FYTTD1: variants seen among roughly 807,000 people sequenced by gnomAD.
FYTTD1 encodes the protein forty-two-three domain containing 1, also known as UAP56-interacting factor.
Under a neutral mutation model 40.9 loss-of-function variants are expected in FYTTD1, and 22 were observed. That is an observed-to-expected ratio of 0.54 (90% confidence interval 0.38 to 0.77). FYTTD1 has a LOEUF of 0.77. Among genes scored for constraint, FYTTD1 ranks in the 30% least tolerant of loss-of-function variants. The probability of loss-of-function intolerance (pLI) is 0.00; values close to 1 mark genes in which losing one functional copy is unlikely to be tolerated. For missense variants in FYTTD1, 351 were observed against 392.2 expected (o/e 0.90, Z 0.89); for synonymous variants, 140 against 137.9 (o/e 1.01, Z -0.10).
intron 1 of FYTTD1, among the ~76,000 whole-genome samples, chr3:197,752,844 C>T (rs1168029000): frequency 2.0e-5 from 3 of 152,064 alleles, no homozygotes; most frequent in African/African-American, 7.2e-5. Context: ...GTAACTTGCT[C>T]GAAGTCATAC....
chr3:197,757,819 A>G (rs1729254081), intron 2 of FYTTD1, among the ~76,000 whole-genome samples: 1 of 152,222 alleles, frequency 6.6e-6, no homozygotes, highest in Non-Finnish European at 1.5e-5. Context: ...CATCTCTAAT[A>G]ATTTTTTGAA....
At position 197,783,975 on chromosome 3, in the gene FYTTD1, AAATT is replaced by A. The variant is rs1347403852; in HGVS notation, c.*2069_*2072del. On this transcript the variant is annotated 3_prime_UTR_variant, in exon 9 of 9. Coordinates refer to ENST00000241502, the MANE Select transcript of FYTTD1 (RefSeq NM_032288.7). ...ATAATGTTTTGCCTTTGGTACAACT[AAATT>A]AAAACTCTTGGTGGTCACATATTGT... 3.3e-5 allele frequency: 5 copies of A among 152,612 alleles called. No individual in the cohort carries two copies. The highest frequency in any genetic ancestry group is 7.3e-5 in the Non-Finnish European group (5 of 68,040). The allele number at this position is 152,612 out of a possible 1,614,324, so 9.5% of individuals were successfully genotyped here.
At chr3:197,768,655 A>G in intron 3 of FYTTD1, 68 bp downstream of exon 3, 2 of 1,363,880 alleles carry the variant, frequency 1.5e-6, no homozygotes, top group African/African-American at 1.4e-5. Flanking sequence ...TTCTGTGAAT[A>G]AGCTTAAGAG....
intron 2 of FYTTD1, among the ~76,000 whole-genome samples, chr3:197,766,969 T>C (rs544249395): frequency 1.5e-4 from 23 of 152,162 alleles, no homozygotes; most frequent in Non-Finnish European, 2.6e-4. Flanking sequence ...AGAATGTCAG[T>C]GGTCATCTCT....
At position 197,777,096 on chromosome 3, in the gene FYTTD1, G is replaced by T. The variant is rs1473797831; in HGVS notation, c.731+95G>T. Reference sequence around the variant, plus strand: ...CTTCTGCTCAGAGAATGATGTCCAAGTTGGGATGAACCAGGAAGACAGTAA... The same window carrying T: ...CTTCTGCTCAGAGAATGATGTCCAATTTGGGATGAACCAGGAAGACAGTAA... On this transcript the variant is annotated intron_variant, in intron 7 of 8. Transcript: ENST00000241502. The T allele has an allele frequency of 9.3e-6, 7 of 751,978 alleles. No individual in the cohort carries two copies. The East Asian group carries it at 1.8e-4, about 19-fold the overall frequency. 46.6% of individuals were successfully genotyped at this position (751,978 alleles called of 1,614,324 possible). A position where few individuals can be genotyped will look rare whatever the true frequency, so the allele number is the denominator to read the frequency against.
intron 1 of FYTTD1, among the ~76,000 whole-genome samples, chr3:197,753,425 C>A (rs1729121608): frequency 6.6e-6 from 1 of 151,972 alleles, no homozygotes; most frequent in East Asian, 1.9e-4. Flanking sequence ...GGTGCCTGTG[C>A]TGTAGTACTT....
At chr3:197,778,605 G>A in intron 8 of FYTTD1, 141 bp downstream of exon 8, 1 of 580,730 alleles carries the variant, frequency 1.7e-6, no homozygotes, top group Non-Finnish European at 3.1e-6. Flanking sequence ...GCTTTTGTCT[G>A]CCATTTGCCT....
intron 2 of FYTTD1, among the ~76,000 whole-genome samples, chr3:197,757,760 C>T (rs1729252543): frequency 6.6e-6 from 1 of 152,066 alleles, no homozygotes; most frequent in Non-Finnish European, 1.5e-5. Context: ...GAGACTCTGT[C>T]TCAAGAAAAG....
Position 197,776,995 on chromosome 3 carries a change from G to T in FYTTD1, c.725G>T (p.Cys242Phe). ...ATTGACAATCCTGGAGCAGTGCAAT[G>T]CCCAGTGTAAGTTGTTTCTTTCTTT... ...VSIDNPGAVQ[C>F]PVTQKPRLTR... Residue 242 changes from cysteine (C) to phenylalanine (F), a missense_variant, in exon 7 of 9, where the codon TGC (cysteine) becomes TTC (phenylalanine). Coordinates refer to ENST00000241502, the MANE Select transcript of FYTTD1 (RefSeq NM_032288.7). 6.2e-7 allele frequency: 1 copy of T among 1,600,468 alleles called. No homozygotes were observed.
intron 1 of FYTTD1, 198 bp downstream of exon 1, chr3:197,750,272 C>A: frequency 1.1e-6 from 1 of 945,038 alleles, no homozygotes; most frequent in Non-Finnish European, 1.4e-6. Context: ...CCGCGAGGGA[C>A]CCGGGCGTCC....
chr3:197,751,541 A>G (rs936458309), intron 1 of FYTTD1, among the ~76,000 whole-genome samples: 27 of 152,042 alleles, frequency 1.8e-4, no homozygotes, highest in Non-Finnish European at 3.7e-4. Context: ...CAGCTAAGAC[A>G]TGAGAATAGC....
chr3:197,776,201 A>G (rs1196466500), intron 6 of FYTTD1, among the ~76,000 whole-genome samples: 4 of 151,262 alleles, frequency 2.6e-5, no homozygotes, highest in Non-Finnish European at 5.9e-5. Context: ...TATTCATCAT[A>G]GCAATTTTTT....
intron 1 of FYTTD1, among the ~76,000 whole-genome samples, chr3:197,752,320 G>T (rs1729083489): frequency 6.6e-6 from 1 of 152,162 alleles, no homozygotes; most frequent in African/African-American, 2.4e-5. Flanking sequence ...TGATTTCCCA[G>T]TGCCTCATCT....
chr3:197,761,253 G>A (rs1243473818), intron 2 of FYTTD1, among the ~76,000 whole-genome samples: 3 of 152,012 alleles, frequency 2.0e-5, no homozygotes, highest in African/African-American at 7.2e-5. Flanking sequence ...AGAATGTATA[G>A]AGTTGTTCTT....
At chr3:197,771,509 G>C (rs565403044) in intron 4 of FYTTD1, among the ~76,000 whole-genome samples, 1 of 152,126 alleles carries the variant, frequency 6.6e-6, no homozygotes, top group African/African-American at 2.4e-5. Context: ...GGGTGCGGTG[G>C]CTCACGCCTG....
intron 2 of FYTTD1, among the ~76,000 whole-genome samples, chr3:197,760,578 G>A (rs1487199933): frequency 2.0e-5 from 3 of 151,582 alleles, no homozygotes; most frequent in Admixed American, 1.3e-4. Context: ...TTCAATGGTA[G>A]AATATATAGG....
rs1416712055 is a variant in FYTTD1, at chr3:197,782,064, A to T, written c.*155A>T. 2.2e-6 allele frequency: 1 copy of T among 456,982 alleles called. No individual in the cohort carries two copies. The highest frequency in any genetic ancestry group is 2.0e-5 in the African/African-American group (1 of 50,040). The allele number at this position is 456,982 out of a possible 1,614,324, so 28.3% of individuals were successfully genotyped here. A position where few individuals can be genotyped will look rare whatever the true frequency, so the allele number is the denominator to read the frequency against. ...GAAGGTTTTTTTTTTTAAAAAAAAA[A>T]ACGTATAAAATAATGCCCTGAAAGA... On this transcript the variant is annotated 3_prime_UTR_variant, in exon 9 of 9. Coordinates refer to ENST00000241502, the MANE Select transcript of FYTTD1 (RefSeq NM_032288.7).
chr3:197,761,686 A>C (rs1444567641), intron 2 of FYTTD1, among the ~76,000 whole-genome samples: 1 of 152,244 alleles, frequency 6.6e-6, no homozygotes, highest in Non-Finnish European at 1.5e-5. Flanking sequence ...TCCCTAAGAC[A>C]TGGGGGATCC....
intron 2 of FYTTD1, among the ~76,000 whole-genome samples, chr3:197,764,924 C>T (rs1729498871): frequency 6.6e-6 from 1 of 151,006 alleles, no homozygotes; most frequent in South Asian, 2.1e-4. Context: ...GATCTTGGCT[C>T]GTTGCAACCT....
Sources: gnomAD v4.1 joint callset for allele counts (sites outside exome capture counted in the v4.1 genomes callset) on GRCh38, gnomAD v4.1.1 for gene constraint, MANE v1.5 for transcripts, NCBI Gene and HGNC (gene_info 2026-07-23, HGNC 2026-07-21) for gene names.